The following AFAP1L1 variants were observed in gnomAD, a reference collection of about 807,000 sequenced individuals.
AFAP1L1 encodes actin filament associated protein 1 like 1.
Under a neutral mutation model 99.8 loss-of-function variants are expected in AFAP1L1, and 77 were observed. The observed-to-expected ratio is 0.77, with a 90% CI of 0.64 to 0.93. The LOEUF is 0.93. Among genes scored for constraint, AFAP1L1 ranks in the 40% least tolerant of loss-of-function variants. The pLI is 0.00. For synonymous variants in AFAP1L1, 373 were observed against 395.3 expected (o/e 0.94, Z 0.67); for missense variants, 893 against 996.8 (o/e 0.90, Z 1.40).
At chr5:149,272,286 C>T (rs1385215438) in intron 1 of AFAP1L1, among the ~76,000 whole-genome samples, 1 of 152,228 alleles carries the variant, frequency 6.6e-6, no homozygotes, top group Non-Finnish European at 1.5e-5. Context: ...CGGAGGACAG[C>T]GAGCTCCTCC....
intron 1 of AFAP1L1, chr5:149,276,852 T>A (rs1024575299): frequency 1.3e-5 from 2 of 152,368 alleles, no homozygotes; most frequent in East Asian, 1.9e-4. Flanking sequence ...TGTATCACAG[T>A]GATCCCTTAT....
At chr5:149,306,539 C>CAAGGGTGTTGGGG in intron 6 of AFAP1L1, 135 bp downstream of exon 6, 1 of 785,808 alleles carries the variant, frequency 1.3e-6, no homozygotes, top group Non-Finnish European at 2.0e-6. Flanking sequence ...GGCCCCAACA[C>CAAGGGTGTTGGGG]CCTTGTTTTG....
At chr5:149,326,482 T>G (rs1294235078) in intron 15 of AFAP1L1, among the ~76,000 whole-genome samples, 1 of 147,362 alleles carries the variant, frequency 6.8e-6, no homozygotes, top group African/African-American at 2.5e-5. Flanking sequence ...GAGGTTGCAG[T>G]GAGCCCTGAT....
In AFAP1L1 at chr5:149,329,632, A is replaced by G. The variant is rs748536428; in HGVS notation, c.1811-34A>G. 5 of 1,591,468 alleles carry G rather than the reference A, an allele frequency of 3.1e-6. No individual in the cohort carries two copies. In the South Asian group the frequency reaches 5.8e-5, roughly 18 times the overall value. On this transcript the variant is annotated intron_variant, in intron 15 of 18. Transcript: ENST00000296721. Reference sequence around the variant, plus strand: ...ACAAGTACCTTTGCCAGAGGTCAGAACTGAGGGCCTTTCCCTTCCCCATAT... The same window carrying G: ...ACAAGTACCTTTGCCAGAGGTCAGAGCTGAGGGCCTTTCCCTTCCCCATAT...
chr5:149,335,300 C>A (rs960443048), intron 17 of AFAP1L1, among the ~76,000 whole-genome samples: 1 of 152,048 alleles, frequency 6.6e-6, no homozygotes, highest in African/African-American at 2.4e-5. Context: ...CCAGCCTGGG[C>A]AACTTAGTGA....
intron 14 of AFAP1L1, among the ~76,000 whole-genome samples, chr5:149,321,743 A>G (rs1756958394): frequency 6.6e-6 from 1 of 150,878 alleles, no homozygotes; most frequent in South Asian, 2.1e-4. Context: ...AAAAAAAAAA[A>G]AAAACAACGT....
At chr5:149,296,392 A>G (rs907719553) in intron 1 of AFAP1L1, among the ~76,000 whole-genome samples, 1 of 152,204 alleles carries the variant, frequency 6.6e-6, no homozygotes, top group African/African-American at 2.4e-5. Flanking sequence ...AATAACCGGT[A>G]TAGGGATAAA....
intron 12 of AFAP1L1, among the ~76,000 whole-genome samples, chr5:149,318,773 A>G (rs1756869362): frequency 1.3e-5 from 2 of 152,200 alleles, no homozygotes; most frequent in Admixed American, 1.3e-4. Flanking sequence ...AAAACAGAAA[A>G]CTACCTTCTG....
intron 15 of AFAP1L1, among the ~76,000 whole-genome samples, chr5:149,325,169 A>G (rs1757061849): frequency 6.6e-6 from 1 of 152,232 alleles, no homozygotes; most frequent in African/African-American, 2.4e-5. Context: ...TCCTAAGGGC[A>G]AATGAAGAAA....
intron 15 of AFAP1L1, among the ~76,000 whole-genome samples, chr5:149,323,202 C>A (rs746395226): frequency 6.6e-6 from 1 of 152,136 alleles, no homozygotes; most frequent in Non-Finnish European, 1.5e-5. Context: ...GTTTCAGAGG[C>A]TAACAATTTG....
intron 1 of AFAP1L1, among the ~76,000 whole-genome samples, chr5:149,283,509 A>T (rs352362): frequency 0.5 from 75,752 of 151,866 alleles, 20,178 homozygotes; most frequent in East Asian, 0.74. Context: ...AGATTTTTTT[A>T]AAAAAAAACT....
At position 149,306,312 on chromosome 5, in the gene AFAP1L1, G is replaced by A; in HGVS notation, c.443G>A (p.Cys148Tyr). 2 of 1,612,440 alleles carry A rather than the reference G, an allele frequency of 1.2e-6. No individual in the cohort carries two copies. The highest frequency in any genetic ancestry group is 1.3e-5 in the African/African-American group (1 of 75,008). Residue 148 changes from cysteine to tyrosine, a missense_variant, in exon 6 of 19, where the codon TGC becomes TAC. Cys to Tyr is a radical substitution (Grantham distance 194). Transcript: ENST00000296721. ...TCTTTCTGACAACCCACAGATGGCT[G>A]CAGCCCCTCACACTCGATTGTGGAT... ...SPEYISSHNGCSPSHSIVDGY... is the reference protein window; with the variant it reads ...SPEYISSHNGYSPSHSIVDGY...
chr5:149,297,006 A>G (rs538306839), intron 1 of AFAP1L1, among the ~76,000 whole-genome samples: 1 of 152,292 alleles, frequency 6.6e-6, no homozygotes, highest in Non-Finnish European at 1.5e-5. Flanking sequence ...TCCATGATTC[A>G]GTTACCTCCC....
intron 1 of AFAP1L1, among the ~76,000 whole-genome samples, chr5:149,293,764 G>A (rs879757358): frequency 2.0e-5 from 3 of 152,130 alleles, no homozygotes; most frequent in Non-Finnish European, 4.4e-5. Flanking sequence ...TTCGAAGCAC[G>A]GTGCCATGCA....
intron 1 of AFAP1L1, among the ~76,000 whole-genome samples, chr5:149,273,385 C>G (rs1755199628): frequency 6.6e-6 from 1 of 151,886 alleles, no homozygotes; most frequent in African/African-American, 2.4e-5. Context: ...CAGGGATGAG[C>G]CGGGAGCAGG....
intron 16 of AFAP1L1, among the ~76,000 whole-genome samples, chr5:149,330,403 G>T (rs1379468020): frequency 6.6e-6 from 1 of 152,178 alleles, no homozygotes; most frequent in African/African-American, 2.4e-5. Flanking sequence ...GGAGGGAGCA[G>T]AAGTCCTGTT....
chr5:149,339,121 G>T (rs1757489163), intron 18 of AFAP1L1, among the ~76,000 whole-genome samples: 1 of 149,664 alleles, frequency 6.7e-6, no homozygotes, highest in South Asian at 2.1e-4. Context: ...ATTGTCGCAT[G>T]AAAATAGCCA....
In AFAP1L1 at chr5:149,273,195, A is replaced by T. The variant is rs967112424; in HGVS notation, c.16+1211A>T. On this transcript the variant is annotated intron_variant, in intron 1 of 18. Transcript: ENST00000296721. ...TGTGACGGCACTAGATAAACTAGTG[A>T]GTGCTGTGCCAACAGGCGAAGTGTT... Among the ~76,000 whole-genome samples the T allele has an allele frequency of 3.4e-5, 5 of 149,166 alleles. No individual in the cohort carries two copies. The Admixed American group carries it at 3.4e-4, about 10-fold the overall frequency.
At position 149,278,636 on chromosome 5, in the gene AFAP1L1, A is replaced by C. The variant is rs143596227; in HGVS notation, c.16+6652A>C. ...CTCCCACACTAAGACAAGTTACCCA[A>C]CCAAGTTGTTTCCTCAGTCTTTGTA... On this transcript the variant is annotated intron_variant, in intron 1 of 18. Coordinates refer to ENST00000296721, the MANE Select transcript of AFAP1L1 (RefSeq NM_152406.4). 1.2e-4 allele frequency among the ~76,000 whole-genome samples: 19 copies of C among 152,256 alleles called. No individual in the cohort carries two copies. In the East Asian group the frequency reaches 1.9e-3, roughly 15 times the overall value.
Sources: allele counts gnomAD v4.1 joint callset (sites outside exome capture counted in the v4.1 genomes callset), GRCh38; gene constraint gnomAD v4.1.1; transcripts MANE v1.5; gene names NCBI Gene and HGNC (gene_info 2026-07-23, HGNC 2026-07-21).